Variants in CDKN2B-AS1 observed in about 807,000 individuals in gnomAD.
CDKN2B-AS1 encodes CDKN2B antisense RNA 1 (non-protein coding).
At chr9:22,101,125 AC>A (rs1310449460) in intron 4 of CDKN2B-AS1, among the ~76,000 whole-genome samples, 1 of 152,140 alleles carries the variant, frequency 6.6e-6, no homozygotes, top group Non-Finnish European at 1.5e-5. Flanking sequence ...AAATTCCTCT[AC>A]CTTTCAGAGA....
At chr9:22,103,105 A>G (rs1474880994) in intron 4 of CDKN2B-AS1, among the ~76,000 whole-genome samples, 1 of 147,006 alleles carries the variant, frequency 6.8e-6, no homozygotes, top group African/African-American at 2.5e-5. Context: ...TACTTTCTGC[A>G]TTCTGGGGTT....
rs1172970954 is a variant in CDKN2B-AS1, at chr9:22,026,149, GT to G, written n.30-20600del. 2.6e-5 allele frequency among the ~76,000 whole-genome samples: 4 copies of G among 152,216 alleles called. No individual in the cohort carries two copies. In the East Asian group the frequency reaches 7.7e-4, roughly 29 times the overall value. ...TGTCGGGCAGCTGTTCTGTGCTGGG[GT>G]TCCCCTTCCACCCCTGCTTAAGCTC... On this transcript the variant is annotated intron_variant and non_coding_transcript_variant, in intron 1 of 4. Coordinates refer to ENST00000650946, the Ensembl canonical transcript of CDKN2B-AS1.
intron 1 of CDKN2B-AS1, among the ~76,000 whole-genome samples, chr9:22,013,254 G>A (rs375011946): frequency 1.6e-4 from 25 of 152,232 alleles, no homozygotes; most frequent in African/African-American, 6.0e-4. Context: ...GAGGTATTGG[G>A]CTTAGGACTT....
chr9:22,021,032 A>G (rs976236609), intron 1 of CDKN2B-AS1, among the ~76,000 whole-genome samples: 2 of 152,116 alleles, frequency 1.3e-5, no homozygotes, highest in Non-Finnish European at 2.9e-5. Flanking sequence ...TCTTTACTCT[A>G]TCTTGAGTTA....
chr9:22,061,847 T>C (rs1245743599), intron 4 of CDKN2B-AS1: 1 of 152,070 alleles, frequency 6.6e-6, no homozygotes, highest in Non-Finnish European at 1.5e-5. Context: ...TATATAAATC[T>C]ATATATCTAT....
intron 1 of CDKN2B-AS1, among the ~76,000 whole-genome samples, chr9:21,998,317 A>G (rs1490412817): frequency 1.3e-5 from 2 of 152,252 alleles, no homozygotes; most frequent in African/African-American, 4.8e-5. Flanking sequence ...AGAACTGAGC[A>G]TGTAATTTCA....
At chr9:21,995,066 A>G (rs1418656315), upstream of CDKN2B-AS1, 3 of 152,138 alleles carry the variant, frequency 2.0e-5, no homozygotes, top group Non-Finnish European at 4.4e-5. This position sits in a 1 kb window ranked among gnomAD's most constrained non-coding sequence, Gnocchi z 5.7. Flanking sequence ...AACAAGCGAA[A>G]TTAAACTAAA....
chr9:22,113,882 C>A (rs1423214535), intron 4 of CDKN2B-AS1: 5 of 152,160 alleles, frequency 3.3e-5, no homozygotes, highest in Non-Finnish European at 5.9e-5. Context: ...TTCTATTTTA[C>A]TTTTTCTAAT....
At chr9:22,003,422 G>C (rs1286604282) in intron 1 of CDKN2B-AS1, 1 of 225,856 alleles carries the variant, frequency 4.4e-6, no homozygotes, top group Non-Finnish European at 8.8e-6. Flanking sequence ...GAAGTAACAT[G>C]TTTCATATCT....
intron 1 of CDKN2B-AS1, among the ~76,000 whole-genome samples, chr9:21,998,906 CAT>C (rs1820803287): frequency 6.6e-6 from 1 of 151,926 alleles, no homozygotes; most frequent in Non-Finnish European, 1.5e-5. Context: ...ATTATTTGAT[CAT>C]ATATGTCAAA....
chr9:22,036,055 C>T (rs548656932), intron 1 of CDKN2B-AS1, among the ~76,000 whole-genome samples: 6 of 152,132 alleles, frequency 3.9e-5, no homozygotes, highest in East Asian at 1.9e-4. Flanking sequence ...TCTTGAGCCC[C>T]GTTTTTCACC....
At chr9:22,073,534 G>C (rs151338098) in intron 4 of CDKN2B-AS1, among the ~76,000 whole-genome samples, 162 of 152,274 alleles carry the variant, frequency 1.1e-3, no homozygotes, top group African/African-American at 3.6e-3. Context: ...ATATATGGGT[G>C]TAATTTTCTG....
intron 4 of CDKN2B-AS1, among the ~76,000 whole-genome samples, chr9:22,115,827 T>C (rs1825935818): frequency 6.6e-6 from 1 of 152,174 alleles, no homozygotes; most frequent in Non-Finnish European, 1.5e-5. Context: ...TTTTCTTTTA[T>C]ATTAAATAAA....
intron 4 of CDKN2B-AS1, among the ~76,000 whole-genome samples, chr9:22,114,466 CTGTG>C (rs1276890068): frequency 6.6e-6 from 1 of 152,168 alleles, no homozygotes; most frequent in Non-Finnish European, 1.5e-5. Flanking sequence ...CCTGGGCAGA[CTGTG>C]TGGCTACTAT....
intron 4 of CDKN2B-AS1, among the ~76,000 whole-genome samples, chr9:22,110,659 G>T (rs144175378): frequency 6.6e-6 from 1 of 151,952 alleles, no homozygotes; most frequent in South Asian, 2.1e-4. Flanking sequence ...GTATAAGTGC[G>T]TAAACCATGT....
intron 4 of CDKN2B-AS1, among the ~76,000 whole-genome samples, chr9:22,084,012 T>C (rs1286405075): frequency 6.6e-6 from 1 of 152,240 alleles, no homozygotes; most frequent in Non-Finnish European, 1.5e-5. Flanking sequence ...TTGAAACTTT[T>C]GCTTTTAAAA....
At chr9:22,089,398 A>G (rs749530262) in intron 4 of CDKN2B-AS1, among the ~76,000 whole-genome samples, 2 of 152,168 alleles carry the variant, frequency 1.3e-5, no homozygotes, top group Admixed American at 6.5e-5. Context: ...CTTCAAGTGA[A>G]GTTACTTGCT....
rs557747318 is a variant in CDKN2B-AS1, at chr9:22,098,532, G to C, written n.439-28571G>C. Among the ~76,000 whole-genome samples, 23 of 152,176 alleles carry C rather than the reference G, an allele frequency of 1.5e-4. No individual in the cohort carries two copies. The East Asian group carries it at 4.1e-3, about 27-fold the overall frequency. ...AAAGTCCACTTGTAACCACATGTCA[G>C]TAGCATGTTTGCTTTCAGGGTACAT... On this transcript the variant is annotated intron_variant and non_coding_transcript_variant, in intron 4 of 4. Transcript: ENST00000650946.
Position 21,995,483 on chromosome 9 carries a change from AT to A in CDKN2B-AS1, n.29+323del, listed in dbSNP as rs1468044968. Reference sequence around the variant, plus strand: ...CGCCCAGACACCCCGACTCCCCTTGATCCCGCCGCCTGACTCCTCGGCGTAC... The same window carrying A: ...CGCCCAGACACCCCGACTCCCCTTGACCCGCCGCCTGACTCCTCGGCGTAC... On this transcript the variant is annotated intron_variant and non_coding_transcript_variant, in intron 1 of 4. Coordinates refer to ENST00000650946, the Ensembl canonical transcript of CDKN2B-AS1. The surrounding 1 kb of genome is among the most constrained non-coding windows in gnomAD (Gnocchi z 5.7). The A allele has an allele frequency of 6.6e-6, 1 of 152,266 alleles. No individual in the cohort carries two copies. Among genetic ancestry groups the A allele is most frequent in the African/African-American group, 2.4e-5 (1 of 41,284 alleles). The allele number at this position is 152,266 out of a possible 1,614,324, so 9.4% of individuals were successfully genotyped here.
Sources: allele counts gnomAD v4.1 joint callset (sites outside exome capture counted in the v4.1 genomes callset), GRCh38; gene constraint gnomAD v4.1.1; non-coding constraint Gnocchi (gnomAD v3.1); transcripts MANE v1.5; gene names NCBI Gene and HGNC (gene_info 2026-07-23, HGNC 2026-07-21).